Variants in NOP53 observed in about 807,000 individuals in gnomAD.
NOP53 encodes the protein ribosome biogenesis protein NOP53.
In NOP53, 40 loss-of-function variants were observed where a neutral mutation model predicts 61.0. The observed-to-expected ratio is 0.66, with a 90% CI of 0.51 to 0.85. NOP53 has a LOEUF of 0.85. NOP53 is among the 40% of genes least tolerant of loss of function. The pLI, the probability that NOP53 is intolerant of heterozygous loss-of-function variation, is 0.00. For synonymous variants in NOP53, 308 were observed against 289.5 expected (o/e 1.06, Z -0.65); for missense variants, 689 against 652.9 (o/e 1.06, Z -0.60).
At chr19:47,756,341 C>G in intron 10 of NOP53, 187 bp from the exon 11 acceptor site, 1 of 599,938 alleles carries the variant, frequency 1.7e-6, no homozygotes, top group Non-Finnish European at 3.0e-6. Context: ...TTAGAGATGG[C>G]CATAGGTTGG....
At chr19:47,749,847 C>G (rs1370140535) in intron 2 of NOP53, among the ~76,000 whole-genome samples, 1 of 152,074 alleles carries the variant, frequency 6.6e-6, no homozygotes, top group Non-Finnish European at 1.5e-5. Flanking sequence ...TCCCAGAGTG[C>G]TGGGATTACA....
At chr19:47,750,089 C>G in intron 2 of NOP53, 89 bp from the exon 3 acceptor site, 1 of 798,494 alleles carries the variant, frequency 1.3e-6, no homozygotes, top group South Asian at 1.5e-5. Context: ...GGATTCAGGT[C>G]TGATGGCTCC....
At chr19:47,747,153 C>T in intron 2 of NOP53, 122 bp downstream of exon 2, 1 of 755,266 alleles carries the variant, frequency 1.3e-6, no homozygotes, top group East Asian at 2.8e-5. Flanking sequence ...AACAGGTCAA[C>T]CTTAATATAA....
intron 2 of NOP53, among the ~76,000 whole-genome samples, chr19:47,748,337 A>G (rs183688455): frequency 7.4e-4 from 112 of 152,136 alleles, no homozygotes; most frequent in African/African-American, 2.7e-3. Flanking sequence ...CTGAAACAAG[A>G]TGAGGCGTGA....
At chr19:47,750,703 G>A (rs369184359) in intron 3 of NOP53, among the ~76,000 whole-genome samples, 5 of 152,252 alleles carry the variant, frequency 3.3e-5, no homozygotes, top group African/African-American at 4.8e-5. Context: ...CTGTTGCTTC[G>A]TTGAGTCTGG....
chr19:47,747,972 G>T (rs923273601), intron 2 of NOP53, among the ~76,000 whole-genome samples: 23 of 151,712 alleles, frequency 1.5e-4, no homozygotes, highest in African/African-American at 5.6e-4. Context: ...TAGAGATGGG[G>T]TTTCTCTATG....
rs751613426 is a variant in NOP53, at chr19:47,756,716, G to A, written c.1402G>A (p.Val468Met). ...KFKRKYKVKLVEKRAFREIQL is the reference protein window; with the variant it reads ...KFKRKYKVKLMEKRAFREIQL ...CAAACGCAAGTACAAGGTGAAGCTG[G>A]TGGAGAAGCGGGCGTTCCGTGAGAT... The change falls in exon 12 of 13, where the codon GTG becomes ATG. Residue 468 changes from valine (V) to methionine (M), a missense_variant. Physicochemically the swap from Val to Met is conservative, Grantham distance 21 (BLOSUM62 1). Coordinates refer to ENST00000246802, the MANE Select transcript of NOP53 (RefSeq NM_015710.5). 2.7e-5 allele frequency: 43 copies of A among 1,613,612 alleles called. No homozygotes were observed. In the Admixed American group the frequency reaches 3.5e-4, roughly 13 times the overall value.
chr19:47,752,873 A>G (rs112105561), intron 6 of NOP53: 7,719 of 452,258 alleles, frequency 0.017, 87 homozygotes, highest in Non-Finnish European at 0.025. Flanking sequence ...GCCGAGGCAG[A>G]GGCTGAGGGA....
intron 5 of NOP53, among the ~76,000 whole-genome samples, chr19:47,752,027 G>A (rs3786779): frequency 0.74 from 111,919 of 151,658 alleles, 41,752 homozygotes; most frequent in African/African-American, 0.84. Context: ...GAATCGCTTG[G>A]ACCAGGGAGG....
In NOP53 at chr19:47,750,205, A is replaced by G. The variant is rs374126674; in HGVS notation, c.317A>G (p.Gln106Arg). 5.0e-6 allele frequency: 8 copies of G among 1,612,084 alleles called. No individual in the cohort carries two copies. The highest frequency in any genetic ancestry group is 5.9e-6 in the Non-Finnish European group (7 of 1,178,146). ...KGLTKKRTKV[Q>R]KKSLLLKKPL... is the part of the protein sequence containing the mutation. The stretch of plus-strand genomic sequence containing the variant: ...CTGACAAAGAAGAGAACCAAAGTCC[A>G]GAAGAAGTCACTGCTTCTCAAGAAA... The change falls in exon 3 of 13, where the codon CAG (glutamine) becomes CGG (arginine). Residue 106 changes from glutamine (Q) to arginine (R), a missense_variant. By Grantham distance (43) the Gln-to-Arg change is conservative. Transcript: ENST00000246802.
chr19:47,745,740 G>A lies in NOP53; in HGVS notation c.181G>A (p.Asp61Asn). Residue 61 changes from aspartate (D) to asparagine (N), a missense_variant, in exon 1 of 13, where the codon GAC (aspartate) becomes AAC (asparagine). Transcript: ENST00000246802. Reference protein sequence around the residue: ...LAQEPLGLEVDQFLEDVRLQE... With the variant: ...LAQEPLGLEVNQFLEDVRLQE... The stretch of plus-strand genomic sequence containing the variant: ...TCAGGAGCCGCTGGGGCTGGAGGTT[G>A]ACCAGTTCCTGGAAGACGTGCGGCT... 6.2e-7 allele frequency: 1 copy of A among 1,603,670 alleles called. No homozygotes were observed. Among genetic ancestry groups the A allele is most frequent in the Non-Finnish European group, 8.5e-7 (1 of 1,174,898 alleles).
chr19:47,750,779 A>T (rs1967114418), intron 3 of NOP53, 129 bp from the exon 4 acceptor site: 1 of 734,540 alleles, frequency 1.4e-6, no homozygotes, highest in African/African-American at 1.8e-5. Flanking sequence ...GAGGGGGCGG[A>T]GTGCCACCTT....
chr19:47,746,261 G>A (rs138327466), intron 1 of NOP53: 2,771 of 153,382 alleles, frequency 0.018, 89 homozygotes, highest in African/African-American at 0.063. Context: ...TCAGCTCACC[G>A]CAACCTCCGC....
At chr19:47,748,341 G>A (rs1967088250) in intron 2 of NOP53, among the ~76,000 whole-genome samples, 1 of 152,072 alleles carries the variant, frequency 6.6e-6, no homozygotes, top group African/African-American at 2.4e-5. Context: ...AACAAGATGA[G>A]GCGTGAGGGA....
At chr19:47,751,935 C>T (rs1224916129) in intron 5 of NOP53, among the ~76,000 whole-genome samples, 1 of 116,558 alleles carries the variant, frequency 8.6e-6, no homozygotes, top group East Asian at 2.2e-4. Context: ...AACCCTGTCT[C>T]TACTAAAAAT....
At chr19:47,748,683 TCAGGGGTTGGAGAC>T (rs1967091570) in intron 2 of NOP53, among the ~76,000 whole-genome samples, 1 of 151,952 alleles carries the variant, frequency 6.6e-6, no homozygotes, top group Admixed American at 6.6e-5. Context: ...TCACTTGAGG[TCAGGGGTTGGAGAC>T]CAGCCTGGGC....
rs1324166100 is a variant in NOP53 at position 47,747,025 on chromosome 19, GA to G, written c.288del (p.Leu98Ter). The part of the protein sequence containing the change: ...KLFFVDTGSK[E>X]KGLTKKRTKV... ...CTTCTTCGTGGACACTGGCTCCAAG[GA>G]AAAAGGTGAGGAGAGGCTTTTGTGG... is the stretch of plus-strand genomic sequence containing the variant. On this transcript the variant is annotated frameshift_variant, in exon 2 of 13. Coordinates refer to ENST00000246802, the MANE Select transcript of NOP53 (RefSeq NM_015710.5). LOFTEE classifies it high-confidence loss of function. The G allele has an allele frequency of 2.5e-6, 4 of 1,612,896 alleles. No homozygotes were observed. Among genetic ancestry groups the G allele is most frequent in the Non-Finnish European group, 2.5e-6 (3 of 1,179,264 alleles).
chr19:47,746,993 A>C lies in NOP53; in HGVS notation c.251A>C (p.Glu84Ala). Residue 84 changes from glutamate (E) to alanine (A), a missense_variant, in exon 2 of 13, where the codon GAA becomes GCA. By Grantham distance (107) the Glu-to-Ala change is moderately radical. Transcript: ENST00000246802. The part of the protein sequence containing the change: ...SGGLLSEAPN[E>A]KLFFVDTGSK... ...GGCTTGTTGTCAGAGGCCCCAAATG[A>C]AAAACTCTTCTTCGTGGACACTGGC... 6.2e-7 allele frequency: 1 copy of C among 1,613,942 alleles called. No homozygotes were observed. Among genetic ancestry groups the C allele is most frequent in the Non-Finnish European group, 8.5e-7 (1 of 1,179,872 alleles).
chr19:47,755,771 C>T lies in NOP53; in HGVS notation c.1245C>T (p.Asp415=). 1.2e-6 allele frequency: 2 copies of T among 1,610,512 alleles called. No individual in the cohort carries two copies. The highest frequency in any genetic ancestry group is 1.7e-6 in the Non-Finnish European group (2 of 1,178,882). ...RLGRLKYQAP[D]IDVQLSSELT... is the part of the protein sequence containing the mutation. ...TGTTCTGCAGGTACCAGGCACCTGA[C>T]ATCGACGTGCAGCTGAGCTCGGAGC... The change falls in exon 10 of 13, where the codon GAC becomes GAT. Residue 415 remains aspartate, a synonymous_variant. Coordinates refer to ENST00000246802, the MANE Select transcript of NOP53 (RefSeq NM_015710.5).
Sources: allele counts gnomAD v4.1 joint callset (sites outside exome capture counted in the v4.1 genomes callset), GRCh38; gene constraint gnomAD v4.1.1; transcripts MANE v1.5; gene names NCBI Gene and HGNC (gene_info 2026-07-23, HGNC 2026-07-21).